The following ACAA2 variants were observed in gnomAD, a reference collection of about 807,000 sequenced individuals.
The protein encoded by ACAA2 is 3-ketoacyl-CoA thiolase, mitochondrial.
In ACAA2, 35 loss-of-function variants were observed where a neutral mutation model predicts 44.8. That is an observed-to-expected ratio of 0.78 (90% confidence interval 0.60 to 1.04). The LOEUF is 1.04. Ranked by LOEUF, ACAA2 falls within the 50% of genes least tolerant of loss-of-function variation. The pLI, the probability that ACAA2 is intolerant of heterozygous loss-of-function variation, is 0.00. For missense variants in ACAA2, 468 were observed against 482.6 expected (o/e 0.97, Z 0.28); for synonymous variants, 142 against 166.5 (o/e 0.85, Z 1.13).
intron 3 of ACAA2, 88 bp downstream of exon 3, chr18:49,797,378 T>C (rs1187613144): frequency 8.0e-7 from 1 of 1,245,384 alleles, no homozygotes; most frequent in Non-Finnish European, 1.1e-6. Flanking sequence ...CAATCCTCCC[T>C]AAAGCTAAAG....
chr18:49,785,197 CT>C lies in ACAA2; in HGVS notation c.1108del (p.Arg370GlyfsTer84). 1 of 1,609,446 alleles carries C rather than the reference CT, an allele frequency of 6.2e-7. No individual in the cohort carries two copies. The highest frequency in any genetic ancestry group is 8.5e-7 in the Non-Finnish European group (1 of 1,178,682). ...RITAHLVHEL[R>X]RRGGKYAVGS... Reference sequence around the variant, plus strand: ...AAATGCAGCTATTTCTAGCAAATACCTTAATTCGTGAACCAGGTGTGCAGTA... The same window carrying C: ...AAATGCAGCTATTTCTAGCAAATACCTAATTCGTGAACCAGGTGTGCAGTA... On this transcript the variant is annotated frameshift_variant and splice_region_variant, in exon 9 of 10. Transcript: ENST00000285093. LOFTEE classifies it low-confidence loss of function (END_TRUNC).
Position 49,787,367 on chromosome 18 carries a change from T to C in ACAA2, c.884-6A>G. 1 of 1,406,440 alleles carries C rather than the reference T, an allele frequency of 7.1e-7. No homozygotes were observed. The highest frequency in any genetic ancestry group is 9.3e-7 in the Non-Finnish European group (1 of 1,076,570). 87.1% of individuals were successfully genotyped at this position (1,406,440 alleles called of 1,614,324 possible). A position where few individuals can be genotyped will look rare whatever the true frequency, so the allele number is the denominator to read the frequency against. On this transcript the variant is annotated splice_region_variant and splice_polypyrimidine_tract_variant and intron_variant, in intron 7 of 9. Transcript: ENST00000285093. ...ACTGATAGCAGGGACAGGACCTATA[T>C]AATAATAAAAATCTTCTATAAAAAT...
intron 1 of ACAA2, among the ~76,000 whole-genome samples, chr18:49,805,500 TC>T (rs1366604246): frequency 6.6e-6 from 1 of 152,218 alleles, no homozygotes; most frequent in Non-Finnish European, 1.5e-5. Flanking sequence ...CATGATGCCT[TC>T]CTGAATCTTT....
intron 2 of ACAA2, among the ~76,000 whole-genome samples, chr18:49,799,972 C>T (rs12966765): frequency 3.9e-4 from 58 of 147,476 alleles, no homozygotes; most frequent in African/African-American, 1.1e-3. Context: ...GGAGCCCCTC[C>T]GCCCGGCAGC....
intron 1 of ACAA2, 94 bp downstream of exon 1, chr18:49,813,375 G>A (rs1218846420): frequency 1.8e-5 from 18 of 1,027,772 alleles, no homozygotes; most frequent in Non-Finnish European, 2.3e-5. Flanking sequence ...TTCACCCCAC[G>A]ACCCCGACTC....
At chr18:49,811,928 A>G (rs1229760371) in intron 1 of ACAA2, among the ~76,000 whole-genome samples, 2 of 152,186 alleles carry the variant, frequency 1.3e-5, no homozygotes, top group Non-Finnish European at 2.9e-5. Context: ...TTGGGTTTAT[A>G]GTATTTGTGA....
intron 3 of ACAA2, among the ~76,000 whole-genome samples, chr18:49,796,484 A>ATTGT (rs2023466117): frequency 1.3e-5 from 2 of 152,220 alleles, no homozygotes; most frequent in South Asian, 4.1e-4. Flanking sequence ...TAATGTGAAA[A>ATTGT]TTGTTTTATT....
chr18:49,813,214 C>T (rs949991559), intron 1 of ACAA2, among the ~76,000 whole-genome samples: 19 of 152,258 alleles, frequency 1.2e-4, no homozygotes, highest in African/African-American at 4.3e-4. Context: ...AGGTCACATG[C>T]AAGCAAACTT....
chr18:49,795,488 TCTCCCATGC>T (rs1174079436), intron 4 of ACAA2, among the ~76,000 whole-genome samples: 1 of 152,102 alleles, frequency 6.6e-6, no homozygotes, highest in Non-Finnish European at 1.5e-5. Context: ...TTCCTCCATC[TCTCCCATGC>T]CTATGGCCAC....
At chr18:49,788,220 T>C (rs973613851) in intron 7 of ACAA2, among the ~76,000 whole-genome samples, 1 of 152,242 alleles carries the variant, frequency 6.6e-6, no homozygotes, top group African/African-American at 2.4e-5. Context: ...GAAGATTATC[T>C]ACTTCTCGAC....
At chr18:49,785,548 A>G in intron 8 of ACAA2, 197 bp from the exon 9 acceptor site, 1 of 573,724 alleles carries the variant, frequency 1.7e-6, no homozygotes, top group Non-Finnish European at 3.0e-6. Context: ...TAATACTTTT[A>G]GTCAAATGCA....
At chr18:49,798,341 G>T (rs199752005) in intron 2 of ACAA2, among the ~76,000 whole-genome samples, 1 of 152,096 alleles carries the variant, frequency 6.6e-6, no homozygotes, top group African/African-American at 2.4e-5. Flanking sequence ...GCATATGGGG[G>T]CGTCTTGTTA....
At chr18:49,809,600 C>T (rs528355553) in intron 1 of ACAA2, among the ~76,000 whole-genome samples, 10 of 152,282 alleles carry the variant, frequency 6.6e-5, no homozygotes, top group Admixed American at 1.3e-4. Context: ...AAATGCATGT[C>T]GCTAAGTGAA....
rs1598788056 is a variant in ACAA2 at position 49,783,993 on chromosome 18, C to A, written c.1110-62G>T. The A allele has an allele frequency of 1.4e-5, 18 of 1,319,808 alleles. No homozygotes were observed. In the East Asian group the frequency reaches 4.2e-4, roughly 31 times the overall value. 81.8% of individuals were successfully genotyped at this position (1,319,808 alleles called of 1,614,324 possible). ...AAAAAATCAGATTAATGAAATAGAA[C>A]TAATAACATCACATCTGCATTACTC... On this transcript the variant is annotated intron_variant, in intron 9 of 9. Transcript: ENST00000285093.
intron 2 of ACAA2, among the ~76,000 whole-genome samples, chr18:49,800,968 G>T (rs931974584): frequency 6.6e-6 from 1 of 150,930 alleles, no homozygotes; most frequent in Admixed American, 6.6e-5. Context: ...CTATAATCAG[G>T]AATAAGACAA....
chr18:49,806,942 G>A (rs1188581493), intron 1 of ACAA2, among the ~76,000 whole-genome samples: 6 of 150,484 alleles, frequency 4.0e-5, no homozygotes, highest in African/African-American at 1.2e-4. Flanking sequence ...CTGAAGAACA[G>A]ATGAAAAAAA....
chr18:49,789,650 G>T (rs1311809697), intron 7 of ACAA2, among the ~76,000 whole-genome samples: 1 of 152,186 alleles, frequency 6.6e-6, no homozygotes, highest in Non-Finnish European at 1.5e-5. Flanking sequence ...ACATTTGTTT[G>T]ATCATCAAAA....
At chr18:49,785,494 T>C in intron 8 of ACAA2, 143 bp from the exon 9 acceptor site, 2 of 774,014 alleles carry the variant, frequency 2.6e-6, no homozygotes, top group Non-Finnish European at 4.2e-6. Context: ...TCTACAATCA[T>C]TCTGCATAAA....
intron 2 of ACAA2, among the ~76,000 whole-genome samples, chr18:49,799,767 G>A (rs1367230960): frequency 2.6e-5 from 4 of 151,826 alleles, no homozygotes; most frequent in South Asian, 2.1e-4. Flanking sequence ...TCTAGGAAGT[G>A]AGGGGCGCCT....
Sources: allele counts gnomAD v4.1 joint callset (sites outside exome capture counted in the v4.1 genomes callset), GRCh38; gene constraint gnomAD v4.1.1; transcripts MANE v1.5; gene names NCBI Gene and HGNC (gene_info 2026-07-23, HGNC 2026-07-21).